Variants in FARS2 observed in about 807,000 individuals in gnomAD.
FARS2 encodes phenylalanyl-tRNA synthetase 2, mitochondrial, also known as phenylalanine--tRNA ligase, mitochondrial.
In FARS2, 40 loss-of-function variants were observed where a neutral mutation model predicts 46.4. The ratio of observed to expected loss-of-function variants is 0.86; its 90% confidence interval spans 0.67 to 1.12. The LOEUF is 1.12. FARS2 is among the 50% of genes most tolerant of loss of function. The pLI is 0.00. For missense variants in FARS2, 513 were observed against 567.9 expected (o/e 0.90, Z 0.98); for synonymous variants, 234 against 214.9 (o/e 1.09, Z -0.78).
chr6:5,680,370 T>G (rs1055967248), intron 6 of FARS2, among the ~76,000 whole-genome samples: 1 of 152,224 alleles, frequency 6.6e-6, no homozygotes, highest in South Asian at 2.1e-4. Context: ...CTTGGGCAGC[T>G]GTCACCTGCC....
chr6:5,360,037 G>A (rs1758201307), intron 1 of FARS2, among the ~76,000 whole-genome samples: 1 of 152,128 alleles, frequency 6.6e-6, no homozygotes, highest in Admixed American at 6.5e-5. Flanking sequence ...CTAGAAATTA[G>A]GTACACCAAA....
At chr6:5,639,333 C>T (rs1776694176) in intron 6 of FARS2, among the ~76,000 whole-genome samples, 1 of 152,212 alleles carries the variant, frequency 6.6e-6, no homozygotes, top group South Asian at 2.1e-4. Flanking sequence ...CAAGTCCCAT[C>T]ATGGGAGTTA....
chr6:5,321,696 G>A (rs1037854895), intron 1 of FARS2, among the ~76,000 whole-genome samples: 2 of 152,118 alleles, frequency 1.3e-5, no homozygotes, highest in African/African-American at 4.8e-5. Flanking sequence ...ACCATATAAA[G>A]TGCTTAAAAG....
rs1290541253 is a variant in FARS2, at chr6:5,545,170, C to T, written c.905-10C>T. On this transcript the variant is annotated splice_polypyrimidine_tract_variant and intron_variant, in intron 4 of 6. Coordinates refer to ENST00000274680, the MANE Select transcript of FARS2 (RefSeq NM_006567.5). The stretch of plus-strand genomic sequence containing the variant: ...TTTTTAAAAACAACTATTTTGTTTC[C>T]TAATCACAGCTGGTGCTCAAGACCG... 3.1e-6 allele frequency: 5 copies of T among 1,613,418 alleles called. No homozygotes were observed. The highest frequency in any genetic ancestry group is 4.2e-6 in the Non-Finnish European group (5 of 1,179,584).
chr6:5,379,706 T>A (rs925477413), intron 2 of FARS2, among the ~76,000 whole-genome samples: 1 of 152,156 alleles, frequency 6.6e-6, no homozygotes, highest in African/African-American at 2.4e-5. Context: ...CACTATGCTA[T>A]GAAAATGATC....
chr6:5,662,472 C>T (rs977734244), intron 6 of FARS2, among the ~76,000 whole-genome samples: 6 of 152,278 alleles, frequency 3.9e-5, no homozygotes, highest in South Asian at 2.1e-4. Flanking sequence ...GTCACGTTGC[C>T]GCTTGCATTT....
At chr6:5,381,935 G>A (rs1759822887) in intron 2 of FARS2, among the ~76,000 whole-genome samples, 1 of 152,188 alleles carries the variant, frequency 6.6e-6, no homozygotes, top group African/African-American at 2.4e-5. Context: ...GGTCATTTCT[G>A]GACCAGGAAA....
At chr6:5,495,050 C>T (rs750630809) in intron 4 of FARS2, among the ~76,000 whole-genome samples, 2 of 152,152 alleles carry the variant, frequency 1.3e-5, no homozygotes, top group South Asian at 2.1e-4. Context: ...TTGTGGGTGA[C>T]GAATGTCTGC....
intron 4 of FARS2, among the ~76,000 whole-genome samples, chr6:5,462,330 CT>C (rs1765288804): frequency 1.3e-5 from 2 of 151,858 alleles, no homozygotes; most frequent in South Asian, 4.2e-4. Flanking sequence ...CTTATATTTT[CT>C]TCTAGTCTGT....
chr6:5,709,699 C>T (rs865841096), intron 6 of FARS2, among the ~76,000 whole-genome samples: 1,948 of 37,300 alleles, frequency 0.052, 83 homozygotes, highest in African/African-American at 0.17. Context: ...TGTGTGTGTG[C>T]GCATGCACGT....
intron 6 of FARS2, among the ~76,000 whole-genome samples, chr6:5,651,896 T>C (rs1777384924): frequency 6.6e-6 from 1 of 152,142 alleles, no homozygotes; most frequent in Non-Finnish European, 1.5e-5. Flanking sequence ...ATAGCCAGCA[T>C]ACCACGCCTC....
intron 2 of FARS2, among the ~76,000 whole-genome samples, chr6:5,376,308 A>G (rs560829215): frequency 7.2e-4 from 109 of 152,336 alleles, no homozygotes; most frequent in South Asian, 4.1e-4. Context: ...CTTTATCAAT[A>G]AACAAGAAAA....
At chr6:5,757,453 C>T (rs1356751332) in intron 6 of FARS2, among the ~76,000 whole-genome samples, 3 of 150,744 alleles carry the variant, frequency 2.0e-5, no homozygotes, top group African/African-American at 7.3e-5. Context: ...GCCAGACCTC[C>T]AAAAAAAAAC....
intron 6 of FARS2, among the ~76,000 whole-genome samples, chr6:5,737,254 C>T (rs866611851): frequency 2.6e-5 from 4 of 152,242 alleles, no homozygotes; most frequent in Admixed American, 6.5e-5. Context: ...AGATCCTGGC[C>T]GGGCGCAATG....
At chr6:5,415,936 G>T (rs1279230021) in intron 3 of FARS2, among the ~76,000 whole-genome samples, 1 of 151,868 alleles carries the variant, frequency 6.6e-6, no homozygotes, top group African/African-American at 2.4e-5. Flanking sequence ...TGAACTCCTG[G>T]GCTCAAGCAG....
At chr6:5,538,890 C>A (rs752291564) in intron 4 of FARS2, among the ~76,000 whole-genome samples, 1 of 152,104 alleles carries the variant, frequency 6.6e-6, no homozygotes, top group Non-Finnish European at 1.5e-5. Context: ...GATGATTATG[C>A]GAATGAAAGG....
chr6:5,544,612 C>T (rs1561700955), intron 4 of FARS2, among the ~76,000 whole-genome samples: 3 of 152,302 alleles, frequency 2.0e-5, no homozygotes, highest in Middle Eastern at 3.4e-3. Context: ...TTATACCCCT[C>T]GTCTGGGCCT....
At chr6:5,606,360 G>A (rs1355519340) in intron 5 of FARS2, among the ~76,000 whole-genome samples, 3 of 151,784 alleles carry the variant, frequency 2.0e-5, no homozygotes, top group Admixed American at 6.6e-5. Context: ...GCTAATAGGC[G>A]GCAGGGAAGT....
chr6:5,572,925 C>T (rs879902096), intron 5 of FARS2, among the ~76,000 whole-genome samples: 5 of 152,184 alleles, frequency 3.3e-5, no homozygotes, highest in Non-Finnish European at 7.4e-5. Context: ...GGTACTGTCT[C>T]ATGTTAATAG....
Sources: allele counts gnomAD v4.1 joint callset (sites outside exome capture counted in the v4.1 genomes callset), GRCh38; gene constraint gnomAD v4.1.1; transcripts MANE v1.5; gene names NCBI Gene and HGNC (gene_info 2026-07-23, HGNC 2026-07-21).